Variants in WDR72 observed in about 807,000 individuals in gnomAD.
The protein encoded by WDR72 is WD repeat domain 72, also known as WD repeat-containing protein 72.
Under a neutral mutation model 124.2 loss-of-function variants are expected in WDR72, and 120 were observed. That is an observed-to-expected ratio of 0.97 (90% CI 0.83 to 1.12). WDR72 has a LOEUF of 1.12. Ranked by LOEUF, WDR72 falls within the 50% of genes most tolerant of loss-of-function variation. WDR72 has a pLI of 0.00. For missense variants in WDR72, 1,387 were observed against 1,278.8 expected (o/e 1.08, Z -1.29); for synonymous variants, 452 against 441.7 (o/e 1.02, Z -0.29).
chr15:53,639,676 A>G (rs748470470), intron 14 of WDR72, among the ~76,000 whole-genome samples: 1 of 151,844 alleles, frequency 6.6e-6, no homozygotes, highest in Non-Finnish European at 1.5e-5. Flanking sequence ...TGCTATTAAT[A>G]GTTAATATTG....
rs1448944075 is a variant in WDR72 at position 53,514,851 on chromosome 15, G to T, written c.*2848C>A. ...TCTGACAAGCACAGCAAGCACACAC[G>T]GCCTGGACACGCTGCCGAGGAGCCT... On this transcript the variant is annotated 3_prime_UTR_variant, in exon 20 of 20. Transcript: ENST00000360509. The T allele has an allele frequency of 1.3e-5, 2 of 151,802 alleles. No homozygotes were observed. Among genetic ancestry groups the T allele is most frequent in the African/African-American group, 4.8e-5 (2 of 41,324 alleles). 9.4% of individuals were successfully genotyped at this position (151,802 alleles called of 1,614,324 possible).
chr15:53,722,650 G>A, intron 3 of WDR72, 152 bp downstream of exon 3: 4 of 698,082 alleles, frequency 5.7e-6, no homozygotes, highest in Non-Finnish European at 2.6e-6. Context: ...CATCACACAA[G>A]TTATTCAAAC....
chr15:53,725,730 A>G (rs1189738067), intron 2 of WDR72, among the ~76,000 whole-genome samples: 1 of 152,194 alleles, frequency 6.6e-6, no homozygotes, highest in Admixed American at 6.5e-5. Context: ...CAACTATACG[A>G]CATTGTGGAA....
intron 3 of WDR72, among the ~76,000 whole-genome samples, chr15:53,717,614 T>C (rs1025857132): frequency 4.0e-4 from 61 of 152,250 alleles, no homozygotes; most frequent in Non-Finnish European, 7.5e-4. Context: ...CCAAGGACAC[T>C]TGGTAATATT....
intron 12 of WDR72, among the ~76,000 whole-genome samples, chr15:53,701,248 A>G (rs1017074027): frequency 2.6e-5 from 4 of 152,216 alleles, no homozygotes; most frequent in Non-Finnish European, 5.9e-5. Flanking sequence ...AAACCCATTT[A>G]AGAAGAAAAT....
intron 14 of WDR72, among the ~76,000 whole-genome samples, chr15:53,628,452 T>C (rs2014294749): frequency 6.6e-6 from 1 of 152,078 alleles, no homozygotes; most frequent in African/African-American, 2.4e-5. Context: ...TACTGAGAAA[T>C]TATTTAATGA....
intron 13 of WDR72, among the ~76,000 whole-genome samples, chr15:53,668,977 GAGA>G (rs1567016102): frequency 8.3e-6 from 1 of 120,734 alleles, no homozygotes; most frequent in Admixed American, 8.6e-5. Flanking sequence ...GGAGGAGGAG[GAGA>G]AGGAGAAGGA....
At chr15:53,660,146 G>GA (rs1363940672) in intron 14 of WDR72, among the ~76,000 whole-genome samples, 1 of 151,634 alleles carries the variant, frequency 6.6e-6, no homozygotes, top group Non-Finnish European at 1.5e-5. Context: ...ATCAAAAAGG[G>GA]AAAATTTTCA....
intron 1 of WDR72, among the ~76,000 whole-genome samples, chr15:53,738,013 T>TA: frequency 6.6e-6 from 1 of 152,246 alleles, no homozygotes; most frequent in African/African-American, 2.4e-5. Context: ...TCCTGTAACA[T>TA]ATGCATAACA....
chr15:53,563,793 T>G (rs1428286841), intron 18 of WDR72, among the ~76,000 whole-genome samples: 4 of 151,916 alleles, frequency 2.6e-5, no homozygotes, highest in African/African-American at 9.6e-5. Flanking sequence ...TTAAGTGAAC[T>G]GTGTGTCTTC....
At chr15:53,671,998 A>C (rs925423442) in intron 13 of WDR72, among the ~76,000 whole-genome samples, 3 of 150,756 alleles carry the variant, frequency 2.0e-5, no homozygotes, top group Non-Finnish European at 4.4e-5. Context: ...GGAGAGAGCG[A>C]GAGAGAGAGA....
At chr15:53,520,323 G>A (rs141973528) in intron 19 of WDR72, among the ~76,000 whole-genome samples, 29 of 152,096 alleles carry the variant, frequency 1.9e-4, no homozygotes, top group Admixed American at 1.8e-3. Flanking sequence ...ATTTAGCATT[G>A]CATAGATAAA....
chr15:53,689,046 C>T (rs1415261719), intron 13 of WDR72, among the ~76,000 whole-genome samples: 1 of 152,178 alleles, frequency 6.6e-6, no homozygotes, highest in Non-Finnish European at 1.5e-5. Flanking sequence ...CTTCCTTACA[C>T]CTTAAACAGA....
chr15:53,634,156 T>C (rs1053804911), intron 14 of WDR72, among the ~76,000 whole-genome samples: 2 of 152,218 alleles, frequency 1.3e-5, no homozygotes, highest in Admixed American at 1.3e-4. Context: ...TCCTCCCTCT[T>C]ACAATTAAAA....
At chr15:53,733,271 C>T in intron 1 of WDR72, 110 bp from the exon 2 acceptor site, 1 of 1,200,920 alleles carries the variant, frequency 8.3e-7, no homozygotes, top group Non-Finnish European at 1.2e-6. Context: ...GATGTGTTCT[C>T]CCAGTGCTAT....
rs2013766753 is a variant in WDR72, at chr15:53,616,325, A to G, written c.1963-82T>C. The G allele has an allele frequency of 4.1e-6, 5 of 1,232,124 alleles. No individual in the cohort carries two copies. The South Asian group carries it at 5.1e-5, about 13-fold the overall frequency. 76.3% of individuals were successfully genotyped at this position (1,232,124 alleles called of 1,614,324 possible). A position where few individuals can be genotyped will look rare whatever the true frequency, so the allele number is the denominator to read the frequency against. ...TCCATGATGTTAAAGTGGCATTTTT[A>G]AAAAGTATTACATTGCAGAGCAGCT... On this transcript the variant is annotated intron_variant, in intron 14 of 19. Coordinates refer to ENST00000360509, the MANE Select transcript of WDR72 (RefSeq NM_182758.4).
chr15:53,632,673 G>A (rs1284784534), intron 14 of WDR72, among the ~76,000 whole-genome samples: 1 of 152,248 alleles, frequency 6.6e-6, no homozygotes, highest in African/African-American at 2.4e-5. Flanking sequence ...GGAAGCCACA[G>A]GGGTGAAGCG....
intron 1 of WDR72, among the ~76,000 whole-genome samples, chr15:53,736,717 G>A (rs2018365370): frequency 6.6e-6 from 1 of 152,122 alleles, no homozygotes; most frequent in South Asian, 2.1e-4. Flanking sequence ...GGATAAGCAG[G>A]ATTTTCACAT....
At chr15:53,664,964 A>C (rs1473277332) in intron 14 of WDR72, among the ~76,000 whole-genome samples, 1 of 152,196 alleles carries the variant, frequency 6.6e-6, no homozygotes. Context: ...GAAAATACAA[A>C]AAGATGGAAA....
Sources: gnomAD v4.1 joint callset for allele counts (sites outside exome capture counted in the v4.1 genomes callset) on GRCh38, gnomAD v4.1.1 for gene constraint, MANE v1.5 for transcripts, NCBI Gene and HGNC (gene_info 2026-07-23, HGNC 2026-07-21) for gene names.